Variants in PSTPIP1 observed in about 807,000 individuals in gnomAD.
PSTPIP1 encodes proline-serine-threonine phosphatase-interacting protein 1.
PSTPIP1 carries 66 observed loss-of-function variants against 69.6 expected under a neutral mutation model. The ratio of observed to expected loss-of-function variants is 0.95; its 90% CI spans 0.78 to 1.16. The LOEUF (loss-of-function observed/expected upper bound fraction) is 1.16. Among genes scored for constraint, PSTPIP1 ranks in the 50% most tolerant of loss-of-function variants. The pLI is 0.00. For synonymous variants in PSTPIP1, 266 were observed against 222.7 expected (o/e 1.19, Z -1.73); for missense variants, 603 against 557.4 (o/e 1.08, Z -0.82).
At chr15:77,033,437 C>T (rs1381074921) in intron 12 of PSTPIP1, among the ~76,000 whole-genome samples, 1 of 152,156 alleles carries the variant, frequency 6.6e-6, no homozygotes, top group Non-Finnish European at 1.5e-5. Context: ...AGGCCAGGGC[C>T]CTGAGTGTTG....
At chr15:77,007,705 C>T (rs1279881739) in intron 1 of PSTPIP1, 4 of 339,260 alleles carry the variant, frequency 1.2e-5, no homozygotes, top group Non-Finnish European at 2.3e-5. Flanking sequence ...CGCCATTCTC[C>T]TGCCTCAGCC....
chr15:77,025,273 C>T lies in PSTPIP1; in HGVS notation c.213-11C>T, dbSNP rs2076252906. 1 of 1,607,612 alleles carries T rather than the reference C, an allele frequency of 6.2e-7. No homozygotes were observed. Among genetic ancestry groups the T allele is most frequent in the Non-Finnish European group, 8.5e-7 (1 of 1,174,316 alleles). On this transcript the variant is annotated splice_polypyrimidine_tract_variant and intron_variant, in intron 3 of 14. Coordinates refer to ENST00000558012, the MANE Select transcript of PSTPIP1 (RefSeq NM_003978.5). ...TCTCCTCCTCCTGACCTGGACCCAT[C>T]TGTTTTGCAGCTCCCTGAGGGCCTC...
intron 7 of PSTPIP1, 77 bp from the exon 8 acceptor site, chr15:77,029,452 A>C: frequency 6.6e-7 from 1 of 1,509,478 alleles, no homozygotes; most frequent in Non-Finnish European, 9.0e-7. Flanking sequence ...GAAGCTTGAC[A>C]GTCACTTCAG....
intron 3 of PSTPIP1, among the ~76,000 whole-genome samples, chr15:77,020,868 TGGGG>T (rs201125747): frequency 1.1e-4 from 13 of 115,468 alleles, no homozygotes; most frequent in Non-Finnish European, 1.8e-4. Context: ...TAGACTCCTG[TGGGG>T]GGGGGGGGTG....
At chr15:77,020,772 T>C (rs918149894) in intron 3 of PSTPIP1, among the ~76,000 whole-genome samples, 1 of 151,954 alleles carries the variant, frequency 6.6e-6, no homozygotes, top group Admixed American at 6.5e-5. Context: ...AGTCTTGGCT[T>C]AGACCCAATT....
Position 77,000,180 on chromosome 15 carries a change from C to T in PSTPIP1, c.36+4571C>T, listed in dbSNP as rs148206609. Among the ~76,000 whole-genome samples, 446 of 152,298 alleles carry T rather than the reference C, an allele frequency of 2.9e-3. 1 individual carries two copies. Among genetic ancestry groups the T allele is most frequent in the Non-Finnish European group, 3.8e-3 (259 of 68,016 alleles). ...ATTTAACAGGTGACAGCACCGCTGC[C>T]GAGTGGGGCAGTGACTCACCAGCTT... On this transcript the variant is annotated intron_variant, in intron 1 of 14. Coordinates refer to ENST00000558012, the MANE Select transcript of PSTPIP1 (RefSeq NM_003978.5).
At chr15:77,011,378 G>A (rs1045830740) in intron 1 of PSTPIP1, among the ~76,000 whole-genome samples, 18 of 152,212 alleles carry the variant, frequency 1.2e-4, no homozygotes, top group African/African-American at 4.3e-4. Context: ...CAGCACAGTG[G>A]AGCCCAGCCC....
At chr15:77,014,234 C>A (rs1023263341) in intron 1 of PSTPIP1, among the ~76,000 whole-genome samples, 2 of 152,180 alleles carry the variant, frequency 1.3e-5, no homozygotes, top group Non-Finnish European at 2.9e-5. Flanking sequence ...GTAGTCATCA[C>A]CCCTAGCCCA....
rs1404451877 is a variant in PSTPIP1 at position 77,035,581 on chromosome 15, G to A, written c.985+18G>A. ...TTCTGCTGGTAAAGGGGGTCAGGAGGGGACCCCCAAACACACTGATCCTGG... is the reference window on the plus strand; with the variant it reads ...TTCTGCTGGTAAAGGGGGTCAGGAGAGGACCCCCAAACACACTGATCCTGG... On this transcript the variant is annotated intron_variant, in intron 13 of 14. Transcript: ENST00000558012. 3 of 1,567,980 alleles carry A rather than the reference G, an allele frequency of 1.9e-6. No homozygotes were observed. Among genetic ancestry groups the A allele is most frequent in the African/African-American group, 1.4e-5 (1 of 73,672 alleles).
chr15:77,035,766 A>G (rs368099765), intron 13 of PSTPIP1, 36 bp from the exon 14 acceptor site: 8 of 1,305,628 alleles, frequency 6.1e-6, no homozygotes, highest in Non-Finnish European at 7.0e-6. Flanking sequence ...CAGTGTCCCC[A>G]GAAGGGGAGG....
chr15:77,027,917 G>T lies in PSTPIP1; in HGVS notation c.417+3G>T, dbSNP rs1429130947. 6.4e-7 allele frequency: 1 copy of T among 1,556,960 alleles called. No individual in the cohort carries two copies. The highest frequency in any genetic ancestry group is 2.4e-5 in the East Asian group (1 of 41,454). The stretch of plus-strand genomic sequence containing the variant: ...CGCTCTACAAGAAGGCCATGGAGGT[G>T]AGCGCCAGGGCCTGGGGCCGCGGCC... On this transcript the variant is annotated splice_donor_region_variant and intron_variant, in intron 6 of 14. Coordinates refer to ENST00000558012, the MANE Select transcript of PSTPIP1 (RefSeq NM_003978.5). The surrounding 1 kb of genome is among the most constrained non-coding windows in gnomAD (Gnocchi z 4.3).
chr15:77,035,489 C>G lies in PSTPIP1; in HGVS notation c.930-19C>G. The G allele has an allele frequency of 7.0e-6, 11 of 1,582,400 alleles. No homozygotes were observed. The highest frequency in any genetic ancestry group is 9.4e-6 in the Non-Finnish European group (11 of 1,164,512). On this transcript the variant is annotated intron_variant, in intron 12 of 14. Coordinates refer to ENST00000558012, the MANE Select transcript of PSTPIP1 (RefSeq NM_003978.5). Reference sequence around the variant, plus strand: ...AGTGTGGGGCGGGGACACTCACCCTCTTTCCTCCCTGTTCCCAGGTTCTCT... The same window carrying G: ...AGTGTGGGGCGGGGACACTCACCCTGTTTCCTCCCTGTTCCCAGGTTCTCT...
chr15:76,999,787 A>G (rs1425636541), intron 1 of PSTPIP1, among the ~76,000 whole-genome samples: 1 of 152,172 alleles, frequency 6.6e-6, no homozygotes, highest in Non-Finnish European at 1.5e-5. Context: ...GCAGTATCTC[A>G]ACTGTGCCAT....
intron 1 of PSTPIP1, among the ~76,000 whole-genome samples, chr15:77,014,568 G>T (rs2076012463): frequency 6.6e-6 from 1 of 152,242 alleles, no homozygotes. Context: ...GAGGAAACCA[G>T]GTCCTGAGAA....
At chr15:77,033,555 C>A (rs1424410727) in intron 12 of PSTPIP1, among the ~76,000 whole-genome samples, 1 of 152,168 alleles carries the variant, frequency 6.6e-6, no homozygotes, top group Non-Finnish European at 1.5e-5. Flanking sequence ...GTAGCCAGGC[C>A]TTTGAGGGAG....
In PSTPIP1 at chr15:77,032,274, G is replaced by T. The variant is rs370756727; in HGVS notation, c.742-24G>T. ...AGGGGCAGAGTGGGCATCGGGCTGC[G>T]GCCTCTGCTCTTTCCTGCCCCAGCT... is the stretch of plus-strand genomic sequence containing the variant. On this transcript the variant is annotated intron_variant, in intron 10 of 14. Coordinates refer to ENST00000558012, the MANE Select transcript of PSTPIP1 (RefSeq NM_003978.5). 5.0e-6 allele frequency: 8 copies of T among 1,609,382 alleles called. No individual in the cohort carries two copies. In the African/African-American group the frequency reaches 9.4e-5, roughly 19 times the overall value.
chr15:77,023,262 C>T (rs923593458), intron 3 of PSTPIP1, among the ~76,000 whole-genome samples: 1 of 152,258 alleles, frequency 6.6e-6, no homozygotes, highest in Non-Finnish European at 1.5e-5. Flanking sequence ...CAGACATCCG[C>T]TGGGCCAGCC....
intron 12 of PSTPIP1, among the ~76,000 whole-genome samples, chr15:77,035,013 C>A (rs1404043809): frequency 6.6e-6 from 1 of 152,228 alleles, no homozygotes; most frequent in African/African-American, 2.4e-5. Flanking sequence ...TCGGCCCAGG[C>A]AGTGGAGGCC....
At chr15:77,005,467 C>T (rs1266691112) in intron 1 of PSTPIP1, among the ~76,000 whole-genome samples, 1 of 152,198 alleles carries the variant, frequency 6.6e-6, no homozygotes, top group African/African-American at 2.4e-5. Flanking sequence ...CCTCATTTGA[C>T]TCACCTGAGT....
Sources: allele counts gnomAD v4.1 joint callset (sites outside exome capture counted in the v4.1 genomes callset), GRCh38; gene constraint gnomAD v4.1.1; non-coding constraint Gnocchi (gnomAD v3.1); transcripts MANE v1.5; gene names NCBI Gene and HGNC (gene_info 2026-07-23, HGNC 2026-07-21).